Variants in ACCSL observed in about 807,000 individuals in gnomAD.
ACCSL encodes probable inactive 1-aminocyclopropane-1-carboxylate synthase-like protein 2.
ACCSL carries 55 observed loss-of-function variants against 61.7 expected under a neutral mutation model. That is an observed-to-expected ratio of 0.89 (90% CI 0.72 to 1.12). The LOEUF is 1.12. Among genes scored for constraint, ACCSL ranks in the 50% most tolerant of loss-of-function variants. The pLI is 0.00. For missense variants in ACCSL, 632 were observed against 698.0 expected, an observed-to-expected ratio of 0.91 and a Z score of 1.07; for synonymous variants, 258 against 264.3, an observed-to-expected ratio of 0.98 and a Z score of 0.23.
the ACCSL span, among the ~76,000 whole-genome samples, chr11:44,029,337 G>A: frequency 6.6e-6 from 1 of 152,362 alleles, no homozygotes; most frequent in African/African-American, 2.4e-5. Flanking sequence ...TGCCCTTGCT[G>A]TTGCCCCTGA....
At chr11:44,015,969 A>T in the ACCSL span, among the ~76,000 whole-genome samples, 7 of 152,232 alleles carry the variant, frequency 4.6e-5, no homozygotes, top group African/African-American at 1.7e-4. Flanking sequence ...TTATGATCAT[A>T]TTGCAGAAGC....
chr11:44,009,371 G>T, the ACCSL span, among the ~76,000 whole-genome samples: 2 of 152,202 alleles, frequency 1.3e-5, no homozygotes, highest in Non-Finnish European at 2.9e-5. Flanking sequence ...AGTTCCTTGG[G>T]CCTAGCCTAG....
the ACCSL span, among the ~76,000 whole-genome samples, chr11:43,982,596 G>A: frequency 6.6e-6 from 1 of 152,130 alleles, no homozygotes; most frequent in Non-Finnish European, 1.5e-5. Flanking sequence ...CCCGCATGGG[G>A]AGGCAGGTGC....
the ACCSL span, among the ~76,000 whole-genome samples, chr11:44,027,343 T>C: frequency 1.3e-5 from 2 of 152,214 alleles, no homozygotes; most frequent in Admixed American, 1.3e-4. Flanking sequence ...ACTTCTAGAT[T>C]CCCAGAAATA....
the ACCSL span, among the ~76,000 whole-genome samples, chr11:44,012,988 C>T: frequency 6.6e-6 from 1 of 152,136 alleles, no homozygotes. Context: ...GGGTGAGAAA[C>T]CCTGGGCTAG....
chr11:43,964,748 G>T, the ACCSL span, among the ~76,000 whole-genome samples: 1 of 152,126 alleles, frequency 6.6e-6, no homozygotes, highest in Non-Finnish European at 1.5e-5. Context: ...TATACACCAT[G>T]ACTGATGGGA....
chr11:43,978,486 A>G, the ACCSL span, among the ~76,000 whole-genome samples: 3 of 152,334 alleles, frequency 2.0e-5, no homozygotes, highest in East Asian at 5.8e-4. Context: ...AATCAGGAAT[A>G]GAATTCAGAG....
chr11:43,973,434 CTATCT>C, the ACCSL span, among the ~76,000 whole-genome samples: 1 of 151,660 alleles, frequency 6.6e-6, no homozygotes, highest in African/African-American at 2.4e-5. Flanking sequence ...ATCTATCTAT[CTATCT>C]ATCTATCTAT....
the ACCSL span, chr11:43,943,427 C>G: frequency 6.9e-7 from 1 of 1,443,420 alleles, no homozygotes; most frequent in Non-Finnish European, 9.2e-7. The surrounding 1 kb of genome is among the most constrained non-coding windows in gnomAD (Gnocchi z 4.8). Flanking sequence ...CGCTGCGAAC[C>G]GGTCGGTGCG....
At chr11:43,932,259 C>CT in the ACCSL span, among the ~76,000 whole-genome samples, 2 of 152,012 alleles carry the variant, frequency 1.3e-5, no homozygotes, top group African/African-American at 2.4e-5. Flanking sequence ...CATGAGAAGA[C>CT]TTTTTTTTCT....
At chr11:44,036,507 T>C in the ACCSL span, among the ~76,000 whole-genome samples, 2 of 152,042 alleles carry the variant, frequency 1.3e-5, no homozygotes, top group African/African-American at 4.8e-5. Context: ...CTATGCCAGG[T>C]GCTGTGGTGC....
the ACCSL span, among the ~76,000 whole-genome samples, chr11:44,009,894 C>T: frequency 5.9e-5 from 9 of 152,334 alleles, no homozygotes; most frequent in South Asian, 1.7e-3. Flanking sequence ...CCATCCCAAG[C>T]CCCAGTCCTC....
At chr11:43,943,428 G>A in the ACCSL span, 4 of 1,446,346 alleles carry the variant, frequency 2.8e-6, no homozygotes, top group Non-Finnish European at 3.7e-6. This position sits in a 1 kb window ranked among gnomAD's most constrained non-coding sequence, Gnocchi z 4.8. Context: ...GCTGCGAACC[G>A]GTCGGTGCGC....
the ACCSL span, among the ~76,000 whole-genome samples, chr11:44,023,432 T>G: frequency 6.6e-6 from 1 of 152,200 alleles, no homozygotes; most frequent in Non-Finnish European, 1.5e-5. Context: ...TATCTAATCT[T>G]TTGGCGTATG....
the ACCSL span, among the ~76,000 whole-genome samples, chr11:43,982,851 C>A: frequency 6.6e-6 from 1 of 152,224 alleles, no homozygotes; most frequent in East Asian, 1.9e-4. Context: ...GGGATTCACA[C>A]GGTGGGAGAA....
At chr11:43,999,950 A>G in the ACCSL span, among the ~76,000 whole-genome samples, 1 of 152,216 alleles carries the variant, frequency 6.6e-6, no homozygotes, top group Non-Finnish European at 1.5e-5. Context: ...TTTACATTGT[A>G]TTAGGTGTTA....
chr11:43,936,167 C>G, the ACCSL span, among the ~76,000 whole-genome samples: 1 of 152,222 alleles, frequency 6.6e-6, no homozygotes, highest in Non-Finnish European at 1.5e-5. Context: ...AGTAACAACA[C>G]CCCAACCTGG....
the ACCSL span, among the ~76,000 whole-genome samples, chr11:43,921,770 G>A: frequency 1.6e-3 from 249 of 152,320 alleles, no homozygotes; most frequent in African/African-American, 5.6e-3. Flanking sequence ...AGCAGATGGA[G>A]TGGGCCACCA....
the ACCSL span, among the ~76,000 whole-genome samples, chr11:43,983,470 C>T: frequency 6.6e-6 from 1 of 152,032 alleles, no homozygotes; most frequent in Non-Finnish European, 1.5e-5. Context: ...ACGGGTTATA[C>T]CTGAAGGGCA....
Sources: allele counts gnomAD v4.1 joint callset (sites outside exome capture counted in the v4.1 genomes callset), GRCh38; gene constraint gnomAD v4.1.1; non-coding constraint Gnocchi (gnomAD v3.1); transcripts MANE v1.5; gene names NCBI Gene and HGNC (gene_info 2026-07-23, HGNC 2026-07-21).